DIP2B: variants seen among roughly 807,000 people sequenced by gnomAD.
DIP2B encodes the protein disco-interacting protein 2 homolog B.
In DIP2B, 76 loss-of-function variants were observed where a neutral mutation model predicts 198.0. The ratio of observed to expected loss-of-function variants is 0.38; its 90% CI spans 0.32 to 0.46. The LOEUF (loss-of-function observed/expected upper bound fraction) is 0.46, where lower values mean the gene tolerates loss of function less well. DIP2B is among the 20% of genes least tolerant of loss of function. DIP2B has a pLI of 0.99. For missense variants in DIP2B, 1,559 were observed against 1,978.4 expected (o/e 0.79, Z 4.02); for synonymous variants, 701 against 739.1 (o/e 0.95, Z 0.84).
At chr12:50,551,296 TGCTGGTAATCCCAGCTACTGGCGG>T (rs1283538473) in intron 1 of DIP2B, among the ~76,000 whole-genome samples, 2 of 152,028 alleles carry the variant, frequency 1.3e-5, no homozygotes, top group Non-Finnish European at 2.9e-5. Context: ...TAGTGGCACG[TGCTGGTAATCCCAGCTACTGGCGG>T]GCTGAGGCAG....
intron 3 of DIP2B, among the ~76,000 whole-genome samples, chr12:50,650,701 G>C (rs1938438080): frequency 6.6e-6 from 1 of 152,076 alleles, no homozygotes; most frequent in African/African-American, 2.4e-5. Flanking sequence ...TTACTTACCT[G>C]TTCCACAACA....
At chr12:50,670,104 G>A (rs1376066602) in intron 4 of DIP2B, among the ~76,000 whole-genome samples, 1 of 151,772 alleles carries the variant, frequency 6.6e-6, no homozygotes, top group Non-Finnish European at 1.5e-5. Flanking sequence ...CCCGGCTTTT[G>A]CTTCCCTATA....
At chr12:50,521,145 C>T (rs571414762) in intron 1 of DIP2B, among the ~76,000 whole-genome samples, 1 of 138,326 alleles carries the variant, frequency 7.2e-6, no homozygotes, top group African/African-American at 2.7e-5. Context: ...CTCCCTCTGT[C>T]GCCCAGGCTG....
At chr12:50,676,660 C>T (rs1244193078) in intron 7 of DIP2B, among the ~76,000 whole-genome samples, 2 of 152,186 alleles carry the variant, frequency 1.3e-5, no homozygotes, top group African/African-American at 4.8e-5. Context: ...GCAATAGTTG[C>T]TTGTTTGAGT....
intron 2 of DIP2B, among the ~76,000 whole-genome samples, chr12:50,630,225 G>C (rs1434373210): frequency 6.6e-6 from 1 of 152,114 alleles, no homozygotes; most frequent in African/African-American, 2.4e-5. Context: ...TGGGATTACA[G>C]GTGTGAGCCA....
chr12:50,684,901 G>C (rs902980133), intron 10 of DIP2B, among the ~76,000 whole-genome samples: 6 of 152,096 alleles, frequency 3.9e-5, no homozygotes, highest in African/African-American at 1.4e-4. Flanking sequence ...AAACCAGCCT[G>C]GCCAACATGA....
intron 37 of DIP2B, among the ~76,000 whole-genome samples, chr12:50,743,057 A>T (rs1004142895): frequency 1.3e-5 from 2 of 152,140 alleles, no homozygotes; most frequent in African/African-American, 4.8e-5. Context: ...AATGGAACCA[A>T]ATATTGTGTA....
intron 1 of DIP2B, among the ~76,000 whole-genome samples, chr12:50,530,354 A>G (rs572843025): frequency 7.9e-5 from 12 of 152,312 alleles, no homozygotes; most frequent in Non-Finnish European, 1.5e-4. Context: ...TGCTGGGATT[A>G]CAGGCGTGAG....
intron 1 of DIP2B, among the ~76,000 whole-genome samples, chr12:50,616,867 A>T (rs1937709477): frequency 6.6e-6 from 1 of 152,224 alleles, no homozygotes; most frequent in Non-Finnish European, 1.5e-5. Flanking sequence ...CCTGGATAGT[A>T]TTCACATCCT....
chr12:50,657,174 A>G (rs1253525683), intron 3 of DIP2B: 1 of 148,596 alleles, frequency 6.7e-6, no homozygotes, highest in African/African-American at 2.5e-5. Context: ...CCTTGAGCCC[A>G]GGAGTTTGAG....
intron 9 of DIP2B, 26 bp downstream of exon 9, chr12:50,680,789 G>C: frequency 1.9e-6 from 3 of 1,596,012 alleles, no homozygotes; most frequent in Non-Finnish European, 2.6e-6. Context: ...TTGGTTTTAG[G>C]GAGGTGGTGT....
At chr12:50,736,524 C>A (rs113861808) in intron 34 of DIP2B, among the ~76,000 whole-genome samples, 20 of 152,214 alleles carry the variant, frequency 1.3e-4, no homozygotes, top group African/African-American at 4.8e-4. Context: ...TGAGGAAGAT[C>A]CTAGGGTCAA....
intron 5 of DIP2B, 133 bp downstream of exon 5, chr12:50,671,531 A>G: frequency 1.2e-6 from 1 of 843,734 alleles, no homozygotes. Flanking sequence ...CATGACAGTT[A>G]ATGAGGAAAA....
intron 1 of DIP2B, among the ~76,000 whole-genome samples, chr12:50,607,557 T>G (rs1958994228): frequency 6.6e-6 from 1 of 152,250 alleles, no homozygotes; most frequent in Non-Finnish European, 1.5e-5. Context: ...AGAAGGCCAG[T>G]GCTCTATCAG....
At chr12:50,521,094 GTTTTTTTTTT>G (rs386376482) in intron 1 of DIP2B, among the ~76,000 whole-genome samples, 1 of 94,332 alleles carries the variant, frequency 1.1e-5, no homozygotes, top group African/African-American at 4.0e-5. Flanking sequence ...TTCAGCAACA[GTTTTTTTTTT>G]TTTTTTTTTT....
At chr12:50,618,592 GTGTTT>G (rs1472114778) in intron 1 of DIP2B, among the ~76,000 whole-genome samples, 2 of 152,176 alleles carry the variant, frequency 1.3e-5, no homozygotes, top group African/African-American at 4.8e-5. Flanking sequence ...ATATATGGTG[GTGTTT>G]AAGAGCAGGG....
intron 7 of DIP2B, among the ~76,000 whole-genome samples, chr12:50,675,897 G>GGTT (rs1333154637): frequency 6.6e-6 from 1 of 152,100 alleles, no homozygotes; most frequent in African/African-American, 2.4e-5. Context: ...ATGGTGAAAA[G>GGTT]GTTCAAAGAT....
intron 1 of DIP2B, among the ~76,000 whole-genome samples, chr12:50,585,738 T>C (rs1958764755): frequency 6.6e-6 from 1 of 152,226 alleles, no homozygotes; most frequent in South Asian, 2.1e-4. Context: ...AGACGTGATC[T>C]AATTTACATT....
In DIP2B at chr12:50,695,951, T is replaced by A. The variant is rs11169524; in HGVS notation, c.1917T>A (p.Thr639=). 545,546 of 1,613,718 alleles carry A rather than the reference T, an allele frequency of 0.34. 93,996 individuals are homozygous for A. Among genetic ancestry groups the A allele is most frequent in the Middle Eastern group, 0.36 (2,195 of 6,062 alleles). ...SLSSLRMLIV[T]DGANPWSVSS... is the part of the protein sequence containing the mutation. ...GTTCCCTCCGAATGTTAATTGTGACTGATGGAGCTAACCCCTGTGAGTATT... is the reference window on the plus strand; with the variant it reads ...GTTCCCTCCGAATGTTAATTGTGACAGATGGAGCTAACCCCTGTGAGTATT... Residue 639 remains threonine (T), a synonymous_variant, in exon 16 of 38, where the codon ACT becomes ACA. Transcript: ENST00000301180.
Sources: gnomAD v4.1 joint callset for allele counts (sites outside exome capture counted in the v4.1 genomes callset) on GRCh38, gnomAD v4.1.1 for gene constraint, MANE v1.5 for transcripts, NCBI Gene and HGNC (gene_info 2026-07-23, HGNC 2026-07-21) for gene names.